GNAI3: variants seen among roughly 807,000 people sequenced by gnomAD.
The protein encoded by GNAI3 is G protein subunit alpha i3, also known as guanine nucleotide-binding protein G(i) subunit alpha-3.
In GNAI3, 12 loss-of-function variants were observed where a neutral mutation model predicts 41.8. The ratio of observed to expected loss-of-function variants is 0.29; its 90% confidence interval spans 0.18 to 0.47. The LOEUF is 0.47. Among genes scored for constraint, GNAI3 ranks in the 20% least tolerant of loss-of-function variants. The probability of loss-of-function intolerance (pLI) is 1.00; values close to 1 mark genes in which losing one functional copy is unlikely to be tolerated. For missense variants in GNAI3, 360 were observed against 429.6 expected (o/e 0.84, Z 1.43); for synonymous variants, 132 against 146.5 (o/e 0.90, Z 0.71).
chr1:109,576,710 G>A lies in GNAI3; in HGVS notation c.304-2494G>A, dbSNP rs904694299. ...ATTTTTTTGTATTTTTAGTAGAGAC[G>A]GGGGTTTCTCCATGTTGGTCAGGTT... On this transcript the variant is annotated intron_variant, in intron 3 of 8. Coordinates refer to ENST00000369851, the MANE Select transcript of GNAI3 (RefSeq NM_006496.4). Among the ~76,000 whole-genome samples the A allele has an allele frequency of 4.0e-5, 6 of 151,508 alleles. No homozygotes were observed. In the South Asian group the frequency reaches 6.2e-4, roughly 16 times the overall value.
Position 109,582,484 on chromosome 1 carries a change from C to T in GNAI3, c.509C>T (p.Thr170Ile), listed in dbSNP as rs61754626. The change falls in exon 5 of 9, where the codon ACT becomes ATT. Residue 170 changes from threonine (T) to isoleucine (I), a missense_variant. Thr to Ile is a moderately conservative substitution (Grantham distance 89). Transcript: ENST00000369851. ...DRISQSNYIP[T>I]QQDVLRTRVK... The stretch of plus-strand genomic sequence containing the variant: ...ATATCCCAGTCTAACTACATTCCAA[C>T]TCAGCAAGATGTTCTTCGGACGAGA... 834 of 1,596,546 alleles carry T rather than the reference C, an allele frequency of 5.2e-4. No individual in the cohort carries two copies. Among genetic ancestry groups the T allele is most frequent in the Non-Finnish European group, 6.9e-4 (805 of 1,163,950 alleles).
At chr1:109,571,646 G>A (rs1221201056) in intron 1 of GNAI3, among the ~76,000 whole-genome samples, 1 of 152,174 alleles carries the variant, frequency 6.6e-6, no homozygotes, top group East Asian at 1.9e-4. Context: ...GGCCGGGTGC[G>A]ATTGCTCACT....
chr1:109,562,981 C>T (rs4970732), intron 1 of GNAI3, among the ~76,000 whole-genome samples: 2 of 152,098 alleles, frequency 1.3e-5, no homozygotes, highest in African/African-American at 2.4e-5. Flanking sequence ...CCCTTTTACT[C>T]TAAATAAATA....
At chr1:109,556,538 A>G (rs148863968) in intron 1 of GNAI3, among the ~76,000 whole-genome samples, 1 of 152,186 alleles carries the variant, frequency 6.6e-6, no homozygotes, top group Non-Finnish European at 1.5e-5. Context: ...TGTTTTCTCT[A>G]CTTGAGATGG....
chr1:109,577,181 T>G (rs890131139), intron 3 of GNAI3, among the ~76,000 whole-genome samples: 56 of 152,012 alleles, frequency 3.7e-4, no homozygotes, highest in Non-Finnish European at 8.8e-5. Context: ...GTTTGCCAAT[T>G]TGTCTAATAT....
In GNAI3 at chr1:109,574,010, G is replaced by T; in HGVS notation, c.276G>T (p.Lys92Asn). ...IAIIRAMGRL[K>N]IDFGEAARAD... ...TCATAAGAGCCATGGGACGGCTAAAGATTGACTTTGGGGAAGCTGCCAGGG... is the reference window on the plus strand; with the variant it reads ...TCATAAGAGCCATGGGACGGCTAAATATTGACTTTGGGGAAGCTGCCAGGG... Residue 92 changes from lysine (K) to asparagine (N), a missense_variant, in exon 3 of 9, where the codon AAG (lysine) becomes AAT (asparagine). Coordinates refer to ENST00000369851, the MANE Select transcript of GNAI3 (RefSeq NM_006496.4). 6.2e-7 allele frequency: 1 copy of T among 1,612,398 alleles called. No homozygotes were observed.
At chr1:109,553,940 A>G (rs1648071259) in intron 1 of GNAI3, among the ~76,000 whole-genome samples, 1 of 152,152 alleles carries the variant, frequency 6.6e-6, no homozygotes, top group Non-Finnish European at 1.5e-5. Context: ...TCCACTTACA[A>G]GTGAGAACGT....
At chr1:109,569,986 T>C (rs554313666) in intron 1 of GNAI3, among the ~76,000 whole-genome samples, 60 of 152,340 alleles carry the variant, frequency 3.9e-4, no homozygotes, top group African/African-American at 1.3e-3. Flanking sequence ...TCAACTTTTC[T>C]TAATTTAGTA....
chr1:109,582,348 A>G, intron 4 of GNAI3, 89 bp from the exon 5 acceptor site: 1 of 926,114 alleles, frequency 1.1e-6, no homozygotes, highest in South Asian at 1.6e-5. Flanking sequence ...AACTAGTAAC[A>G]GGTTTAAAAT....
intron 1 of GNAI3, among the ~76,000 whole-genome samples, chr1:109,572,305 A>G (rs952006200): frequency 1.3e-5 from 2 of 152,168 alleles, no homozygotes; most frequent in African/African-American, 2.4e-5. Flanking sequence ...GCGGGACTCC[A>G]TCTCAAATAA....
At chr1:109,560,358 AATAATG>A (rs1648276617) in intron 1 of GNAI3, among the ~76,000 whole-genome samples, 1 of 152,204 alleles carries the variant, frequency 6.6e-6, no homozygotes, top group Admixed American at 6.5e-5. Flanking sequence ...TCTAAGTCAT[AATAATG>A]ATAATTATTA....
chr1:109,566,649 C>T (rs1387147367), intron 1 of GNAI3, among the ~76,000 whole-genome samples: 2 of 152,180 alleles, frequency 1.3e-5, no homozygotes, highest in Admixed American at 6.5e-5. Context: ...GCAACCTCCA[C>T]CTCCTGGATT....
intron 5 of GNAI3, among the ~76,000 whole-genome samples, chr1:109,584,943 C>T (rs1262193205): frequency 6.6e-6 from 1 of 152,224 alleles, no homozygotes; most frequent in East Asian, 1.9e-4. Flanking sequence ...CTTGTGATTA[C>T]ATCATTTCAG....
intron 1 of GNAI3, 34 bp downstream of exon 1, chr1:109,548,872 C>A: frequency 7.2e-7 from 1 of 1,390,490 alleles, no homozygotes; most frequent in Non-Finnish European, 1.0e-6. Context: ...GAGTGGTGGT[C>A]GGGAGAGCCT....
intron 1 of GNAI3, among the ~76,000 whole-genome samples, chr1:109,562,733 T>C (rs963421616): frequency 6.6e-5 from 10 of 152,162 alleles, no homozygotes; most frequent in African/African-American, 2.4e-4. Flanking sequence ...TAAATACACC[T>C]GTAGAAACGT....
At chr1:109,549,034 G>C (rs963129947) in intron 1 of GNAI3, among the ~76,000 whole-genome samples, 196 bp downstream of exon 1, 12 of 152,160 alleles carry the variant, frequency 7.9e-5, no homozygotes, top group African/African-American at 2.9e-4. Context: ...TTGGGGTTGC[G>C]GGAATTAGGC....
intron 1 of GNAI3, among the ~76,000 whole-genome samples, chr1:109,554,079 G>GGT (rs34209492): frequency 7.3e-4 from 110 of 150,182 alleles, no homozygotes; most frequent in Non-Finnish European, 7.1e-4. Context: ...GGTGTAGAGG[G>GGT]GTGTGTGTGT....
intron 4 of GNAI3, among the ~76,000 whole-genome samples, chr1:109,580,574 A>G (rs1035451495): frequency 6.6e-6 from 1 of 152,188 alleles, no homozygotes; most frequent in African/African-American, 2.4e-5. Flanking sequence ...GCGTACACAG[A>G]ATTAGATGGT....
At chr1:109,573,845 CTT>C in intron 2 of GNAI3, 49 bp from the exon 3 acceptor site, 3 of 1,598,354 alleles carry the variant, frequency 1.9e-6, no homozygotes, top group Non-Finnish European at 2.6e-6. Flanking sequence ...TCCATAGTAT[CTT>C]TTCATTTTAG....
Sources: gnomAD v4.1 joint callset for allele counts (sites outside exome capture counted in the v4.1 genomes callset) on GRCh38, gnomAD v4.1.1 for gene constraint, MANE v1.5 for transcripts, NCBI Gene and HGNC (gene_info 2026-07-23, HGNC 2026-07-21) for gene names.